The following CD2AP variants were observed in gnomAD, a reference collection of about 807,000 sequenced individuals.
CD2AP encodes CD2-associated protein.
Under a neutral mutation model 85.1 loss-of-function variants are expected in CD2AP, and 46 were observed. The observed-to-expected ratio is 0.54, with a 90% CI of 0.43 to 0.69. The LOEUF (loss-of-function observed/expected upper bound fraction) is 0.69, where lower values mean the gene tolerates loss of function less well. CD2AP is among the 30% of genes least tolerant of loss of function. The pLI is 0.00. For missense variants in CD2AP, 769 were observed against 729.5 expected (o/e 1.05, Z -0.62); for synonymous variants, 255 against 252.9 (o/e 1.01, Z -0.08).
rs1768941202 is a variant in CD2AP at position 47,596,178 on chromosome 6, T to C, written c.1274+152T>C. 3 of 660,538 alleles carry C rather than the reference T, an allele frequency of 4.5e-6. No homozygotes were observed. In the Admixed American group the frequency reaches 7.9e-5, roughly 17 times the overall value. 40.9% of individuals were successfully genotyped at this position (660,538 alleles called of 1,614,324 possible). A position where few individuals can be genotyped will look rare whatever the true frequency, so the allele number is the denominator to read the frequency against. On this transcript the variant is annotated intron_variant, in intron 12 of 17. Coordinates refer to ENST00000359314, the MANE Select transcript of CD2AP (RefSeq NM_012120.3). ...GACATATACAATTGTGTGTATTTATTGTATACAACATGATGTTTTAAAGCG... is the reference window on the plus strand; with the variant it reads ...GACATATACAATTGTGTGTATTTATCGTATACAACATGATGTTTTAAAGCG...
chr6:47,478,920 G>T (rs567210606), intron 1 of CD2AP, among the ~76,000 whole-genome samples: 2 of 152,242 alleles, frequency 1.3e-5, no homozygotes, highest in East Asian at 3.9e-4. Context: ...TTCCTTGCCG[G>T]AGGAGAGAAA....
chr6:47,579,286 G>C, intron 8 of CD2AP, 99 bp from the exon 9 acceptor site: 4 of 732,500 alleles, frequency 5.5e-6, no homozygotes. Context: ...AGTGAGTCAT[G>C]ATCGCATCAC....
chr6:47,566,312 A>ATG (rs1024577862), intron 5 of CD2AP, among the ~76,000 whole-genome samples: 3 of 58,270 alleles, frequency 5.1e-5, no homozygotes, highest in African/African-American at 1.8e-4. Flanking sequence ...ATATATATAT[A>ATG]TATATATATA....
intron 2 of CD2AP, among the ~76,000 whole-genome samples, chr6:47,511,534 G>A: frequency 6.6e-6 from 1 of 152,204 alleles, no homozygotes; most frequent in East Asian, 1.9e-4. Flanking sequence ...TAATTTCTCA[G>A]TTTTGAAGTG....
chr6:47,513,542 GT>G lies in CD2AP; in HGVS notation c.165+10111del, dbSNP rs201146918. On this transcript the variant is annotated intron_variant, in intron 2 of 17. Transcript: ENST00000359314. ...TTCACATAATAAGTGGTATTTTAGT[GT>G]TTTTTTTTCTCCCAGAATGCATGGT... 1.9e-4 allele frequency among the ~76,000 whole-genome samples: 29 copies of G among 149,870 alleles called. No homozygotes were observed. The South Asian group carries it at 4.0e-3, about 21-fold the overall frequency.
At chr6:47,517,388 A>G (rs569348303) in intron 2 of CD2AP, among the ~76,000 whole-genome samples, 24 of 152,020 alleles carry the variant, frequency 1.6e-4, no homozygotes, top group African/African-American at 5.8e-4. Flanking sequence ...TCTGGGCTCA[A>G]GCGATCCTCT....
chr6:47,522,276 A>G (rs952917912), intron 2 of CD2AP, among the ~76,000 whole-genome samples: 1 of 152,188 alleles, frequency 6.6e-6, no homozygotes, highest in African/African-American at 2.4e-5. Context: ...GAGAAGGTTA[A>G]CAAAGTATTT....
intron 17 of CD2AP, among the ~76,000 whole-genome samples, chr6:47,619,736 T>C (rs1769696904): frequency 6.6e-6 from 1 of 152,168 alleles, no homozygotes; most frequent in Non-Finnish European, 1.5e-5. Flanking sequence ...CATCTACTGT[T>C]TTTTGATTTT....
chr6:47,615,777 A>AT (rs1307204341), intron 17 of CD2AP, among the ~76,000 whole-genome samples: 2 of 81,096 alleles, frequency 2.5e-5, no homozygotes, highest in Non-Finnish European at 5.1e-5. Context: ...TTTAATTTTA[A>AT]TTTTAATTTA....
chr6:47,523,014 A>G (rs948965218), intron 2 of CD2AP, among the ~76,000 whole-genome samples: 48 of 152,144 alleles, frequency 3.2e-4, no homozygotes, highest in East Asian at 3.9e-4. Context: ...TCCAGTTTTC[A>G]TAAGAAGAAA....
chr6:47,495,126 G>T (rs1370879648), intron 1 of CD2AP, among the ~76,000 whole-genome samples: 1 of 152,136 alleles, frequency 6.6e-6, no homozygotes, highest in Non-Finnish European at 1.5e-5. Flanking sequence ...TTACTCCATT[G>T]CACTCCAGCC....
intron 3 of CD2AP, among the ~76,000 whole-genome samples, chr6:47,535,252 C>G (rs1193063590): frequency 1.3e-5 from 2 of 152,196 alleles, no homozygotes; most frequent in Admixed American, 6.5e-5. Context: ...ACTGCAACCT[C>G]TGGCATAAAT....
intron 15 of CD2AP, among the ~76,000 whole-genome samples, chr6:47,608,420 G>A (rs974866369): frequency 6.6e-6 from 1 of 152,030 alleles, no homozygotes. Flanking sequence ...TATGTCCATG[G>A]ATCCTTTCAT....
intron 17 of CD2AP, among the ~76,000 whole-genome samples, chr6:47,616,258 A>AT (rs1769584420): frequency 6.7e-6 from 1 of 149,826 alleles, no homozygotes; most frequent in African/African-American, 2.5e-5. Context: ...TACCCAGCTA[A>AT]TTTTTTTGTA....
At chr6:47,589,353 G>C in intron 11 of CD2AP, among the ~76,000 whole-genome samples, 1 of 35,758 alleles carries the variant, frequency 2.8e-5, no homozygotes, top group African/African-American at 7.9e-5. Flanking sequence ...TTAAGAAGTT[G>C]TTTGATGACC....
chr6:47,609,623 T>C, intron 16 of CD2AP: 1 of 247,438 alleles, frequency 4.0e-6, no homozygotes. Context: ...GTCTTGAGCC[T>C]GGGAAGTCAA....
intron 2 of CD2AP, among the ~76,000 whole-genome samples, chr6:47,505,654 CGGCTGGCCGGGTG>C (rs1766131879): frequency 1.0e-5 from 1 of 99,400 alleles, no homozygotes; most frequent in Non-Finnish European, 2.3e-5. Flanking sequence ...CCGGACGGGG[CGGCTGGCCGGGTG>C]GGGGGGCTGA....
At chr6:47,521,878 GGTGGTGCATGCCT>G (rs1457468620) in intron 2 of CD2AP, among the ~76,000 whole-genome samples, 1 of 151,980 alleles carries the variant, frequency 6.6e-6, no homozygotes, top group Non-Finnish European at 1.5e-5. Context: ...AGCTGGGCTT[GGTGGTGCATGCCT>G]GTAATCCCAG....
At chr6:47,561,121 T>C (rs923366800) in intron 5 of CD2AP, among the ~76,000 whole-genome samples, 1 of 152,210 alleles carries the variant, frequency 6.6e-6, no homozygotes, top group African/African-American at 2.4e-5. Flanking sequence ...TGTGACTTTT[T>C]AAAAAAGTCA....
Sources: gnomAD v4.1 joint callset for allele counts (sites outside exome capture counted in the v4.1 genomes callset) on GRCh38, gnomAD v4.1.1 for gene constraint, MANE v1.5 for transcripts, NCBI Gene and HGNC (gene_info 2026-07-23, HGNC 2026-07-21) for gene names.